The following PRDM5 variants were observed in gnomAD, a reference collection of about 807,000 sequenced individuals.
PRDM5 encodes PR domain zinc finger protein 5.
PRDM5 carries 56 observed loss-of-function variants against 81.2 expected under a neutral mutation model. The observed-to-expected ratio is 0.69, with a 90% confidence interval of 0.56 to 0.86. PRDM5 has a LOEUF of 0.86. Among genes scored for constraint, PRDM5 ranks in the 40% least tolerant of loss-of-function variants. PRDM5 has a pLI of 0.00. For missense variants in PRDM5, 697 were observed against 770.1 expected (o/e 0.91, Z 1.12); for synonymous variants, 267 against 256.4 (o/e 1.04, Z -0.39).
At chr4:120,862,679 C>T (rs1448827766) in intron 2 of PRDM5, among the ~76,000 whole-genome samples, 1 of 152,176 alleles carries the variant, frequency 6.6e-6, no homozygotes, top group Non-Finnish European at 1.5e-5. Context: ...TGTGCCTAGA[C>T]TACTTGTGTA....
chr4:120,886,398 G>T (rs1763441190), intron 2 of PRDM5, among the ~76,000 whole-genome samples: 1 of 152,198 alleles, frequency 6.6e-6, no homozygotes, highest in African/African-American at 2.4e-5. Context: ...CAGGACAGCT[G>T]TAATCACATA....
At chr4:120,915,925 A>G (rs1422141407) in intron 1 of PRDM5, among the ~76,000 whole-genome samples, 1 of 152,214 alleles carries the variant, frequency 6.6e-6, no homozygotes, top group Non-Finnish European at 1.5e-5. Flanking sequence ...CAGCCCACCC[A>G]GCACCAAAAA....
rs1560888990 is a variant in PRDM5, at chr4:120,699,161, A to ATATATATATAT, written c.1729-3887_1729-3886insATATATATATA. Among the ~76,000 whole-genome samples, 19 of 73,442 alleles carry ATATATATATAT rather than the reference A, an allele frequency of 2.6e-4. 1 individual carries two copies. The highest frequency in any genetic ancestry group is 5.1e-4 in the Non-Finnish European group (18 of 35,012). 48.2% of individuals were successfully genotyped at this position (73,442 alleles called of 152,430 possible). On this transcript the variant is annotated intron_variant, in intron 15 of 15. Coordinates refer to ENST00000264808, the MANE Select transcript of PRDM5 (RefSeq NM_018699.4). ...TGTATAGGCAATTATAGGAAATATA[A>ATATATATATAT]ATATATATATATATATATATATATA...
intron 3 of PRDM5, among the ~76,000 whole-genome samples, chr4:120,834,523 AG>A (rs1448262669): frequency 6.6e-6 from 1 of 152,176 alleles, no homozygotes; most frequent in Non-Finnish European, 1.5e-5. Flanking sequence ...AAATTTCTGT[AG>A]GGTATAAGCT....
At chr4:120,733,069 G>GA (rs566195024) in intron 14 of PRDM5, among the ~76,000 whole-genome samples, 2 of 152,050 alleles carry the variant, frequency 1.3e-5, no homozygotes, top group Non-Finnish European at 1.5e-5. Context: ...TGATATAAAA[G>GA]AAAAAAGATA....
At chr4:120,876,729 AT>A (rs1342333900) in intron 2 of PRDM5, among the ~76,000 whole-genome samples, 1 of 152,216 alleles carries the variant, frequency 6.6e-6, no homozygotes, top group African/African-American at 2.4e-5. Flanking sequence ...TGATGAAAAA[AT>A]ATAAGGATTC....
chr4:120,790,221 A>G (rs1485512901), intron 10 of PRDM5, among the ~76,000 whole-genome samples: 1 of 152,180 alleles, frequency 6.6e-6, no homozygotes. Context: ...GCCTTTTTAC[A>G]ACAGCTACCA....
At chr4:120,801,033 A>G (rs1752048346) in intron 8 of PRDM5, among the ~76,000 whole-genome samples, 1 of 152,224 alleles carries the variant, frequency 6.6e-6, no homozygotes, top group Non-Finnish European at 1.5e-5. Context: ...TGTATTACAT[A>G]TCATATTATA....
chr4:120,758,102 A>G (rs1745048411), intron 13 of PRDM5, among the ~76,000 whole-genome samples: 1 of 152,064 alleles, frequency 6.6e-6, no homozygotes, highest in Non-Finnish European at 1.5e-5. Context: ...CAGAACTTCA[A>G]ACTCAGGCTA....
chr4:120,893,805 G>A (rs1764328421), intron 2 of PRDM5, among the ~76,000 whole-genome samples: 1 of 152,080 alleles, frequency 6.6e-6, no homozygotes, highest in Admixed American at 6.5e-5. Flanking sequence ...TTCTAGTAAT[G>A]TTTCTTCCTT....
Position 120,794,354 on chromosome 4 carries a change from T to G in PRDM5, c.1188+3913A>C, listed in dbSNP as rs563615937. On this transcript the variant is annotated intron_variant, in intron 10 of 15. Coordinates refer to ENST00000264808, the MANE Select transcript of PRDM5 (RefSeq NM_018699.4). Reference sequence around the variant, plus strand: ...ACTTTTTTTTTTACTATGTTAAACTTACACCATATGTTTTGGTTTTAGATT... The same window carrying G: ...ACTTTTTTTTTTACTATGTTAAACTGACACCATATGTTTTGGTTTTAGATT... 1.4e-4 allele frequency among the ~76,000 whole-genome samples: 21 copies of G among 152,248 alleles called. 1 individual carries two copies. In the South Asian group the frequency reaches 4.3e-3, roughly 32 times the overall value.
downstream of PRDM5, among the ~76,000 whole-genome samples, chr4:120,687,448 T>C (rs549075596): frequency 4.6e-5 from 7 of 152,286 alleles, no homozygotes; most frequent in South Asian, 1.4e-3. Context: ...TGTTGTAGCA[T>C]ATGAAATTAT....
At chr4:120,756,721 A>T (rs1315880861) in intron 13 of PRDM5, among the ~76,000 whole-genome samples, 1 of 152,170 alleles carries the variant, frequency 6.6e-6, no homozygotes. Context: ...CTTCTTCATA[A>T]AGTATAAAAA....
intron 15 of PRDM5, among the ~76,000 whole-genome samples, chr4:120,703,254 T>A (rs1292737375): frequency 1.3e-5 from 2 of 152,134 alleles, no homozygotes; most frequent in African/African-American, 4.8e-5. Flanking sequence ...GGTCTGATCA[T>A]AGCTCACTGC....
At chr4:120,765,996 A>G (rs973143598) in intron 13 of PRDM5, among the ~76,000 whole-genome samples, 5 of 139,696 alleles carry the variant, frequency 3.6e-5, no homozygotes, top group African/African-American at 8.0e-5. Context: ...GTTTCACTCT[A>G]TCGCCCAGGC....
intron 3 of PRDM5, among the ~76,000 whole-genome samples, chr4:120,830,685 T>C (rs1191247370): frequency 6.6e-6 from 1 of 152,090 alleles, no homozygotes; most frequent in Non-Finnish European, 1.5e-5. Flanking sequence ...CAGGATACAC[T>C]GATTCATGTT....
At chr4:120,873,557 T>G (rs946902106) in intron 2 of PRDM5, among the ~76,000 whole-genome samples, 2 of 152,248 alleles carry the variant, frequency 1.3e-5, no homozygotes, top group African/African-American at 4.8e-5. Flanking sequence ...AAATTTACAA[T>G]AGTCATTGTC....
chr4:120,818,256 G>GAA lies in PRDM5; in HGVS notation c.650+96_650+97insTT. On this transcript the variant is annotated intron_variant, in intron 5 of 15. Coordinates refer to ENST00000264808, the MANE Select transcript of PRDM5 (RefSeq NM_018699.4). The stretch of plus-strand genomic sequence containing the variant: ...ACACAAAACATGCGCGTGCGCGCGT[G>GAA]CACACACACACACACAGGTTAAAAA... 4.2e-6 allele frequency: 5 copies of GAA among 1,198,570 alleles called. No homozygotes were observed. The South Asian group carries it at 5.3e-5, about 13-fold the overall frequency. 74.2% of individuals were successfully genotyped at this position (1,198,570 alleles called of 1,614,324 possible). A position where few individuals can be genotyped will look rare whatever the true frequency, so the allele number is the denominator to read the frequency against.
intron 15 of PRDM5, among the ~76,000 whole-genome samples, chr4:120,699,805 T>C (rs1735094030): frequency 1.3e-5 from 2 of 152,148 alleles, no homozygotes; most frequent in East Asian, 1.9e-4. Context: ...TGCTTAGAGA[T>C]TGGAAGAATC....
Sources: allele counts gnomAD v4.1 joint callset (sites outside exome capture counted in the v4.1 genomes callset), GRCh38; gene constraint gnomAD v4.1.1; transcripts MANE v1.5; gene names NCBI Gene and HGNC (gene_info 2026-07-23, HGNC 2026-07-21).